Variants in ZFAT observed in about 807,000 individuals in gnomAD.
The protein encoded by ZFAT is zinc finger and AT-hook domain containing, also known as zinc finger protein ZFAT.
In ZFAT, 64 loss-of-function variants were observed where a neutral mutation model predicts 117.7. The observed-to-expected ratio is 0.54, with a 90% CI of 0.44 to 0.67. ZFAT has a LOEUF of 0.67. Among genes scored for constraint, ZFAT ranks in the 30% least tolerant of loss-of-function variants. ZFAT has a pLI of 0.00. For synonymous variants in ZFAT, 679 were observed against 615.0 expected (o/e 1.10, Z -1.54); for missense variants, 1,433 against 1,584.5 (o/e 0.90, Z 1.62).
At chr8:134,479,238 G>A (rs1190010016) in intron 15 of ZFAT, among the ~76,000 whole-genome samples, 1 of 152,228 alleles carries the variant, frequency 6.6e-6, no homozygotes, top group South Asian at 2.1e-4. Flanking sequence ...AGGAGCAGAC[G>A]CCTGGCAGGC....
At chr8:134,755,609 C>G in the ZFAT span, among the ~76,000 whole-genome samples, 5,485 of 151,670 alleles carry the variant, frequency 0.036, 220 homozygotes, top group African/African-American at 0.095. Context: ...GTCAGGAGTT[C>G]AAGACCAGCC....
the ZFAT span, among the ~76,000 whole-genome samples, chr8:134,832,251 GTC>G: frequency 6.6e-6 from 1 of 151,696 alleles, no homozygotes; most frequent in African/African-American, 2.4e-5. Context: ...GCTCCCTCCG[GTC>G]TCTCTGCTCC....
At position 134,610,553 on chromosome 8, in the gene ZFAT, A is replaced by G; in HGVS notation, c.551T>C (p.Ile184Thr). 6.2e-7 allele frequency: 1 copy of G among 1,614,006 alleles called. No individual in the cohort carries two copies. Among genetic ancestry groups the G allele is most frequent in the Non-Finnish European group, 8.5e-7 (1 of 1,179,972 alleles). The change falls in exon 4 of 16, where the codon ATC (isoleucine) becomes ACC (threonine). Residue 184 changes from isoleucine (I) to threonine (T), a missense_variant. Coordinates refer to ENST00000377838, the MANE Select transcript of ZFAT (RefSeq NM_020863.4). The part of the protein sequence containing the change: ...RSQKTEKVQK[I>T]SGKEARQLSG... ...AAGCTGTCTGGCCTCCTTTCCTGAG[A>G]TCTTCTGGACTTTCTCTGTTTTCTG...
intron 12 of ZFAT, among the ~76,000 whole-genome samples, chr8:134,523,258 C>T (rs1027175215): frequency 5.9e-5 from 9 of 152,164 alleles, no homozygotes; most frequent in African/African-American, 1.7e-4. Context: ...TACTCTGTCC[C>T]GTGTCGCCTA....
chr8:134,716,503 C>A (rs189401226), upstream of ZFAT, among the ~76,000 whole-genome samples: 1 of 152,262 alleles, frequency 6.6e-6, no homozygotes, highest in East Asian at 1.9e-4. Context: ...TATTAATCTC[C>A]GGAGTGGTTT....
the ZFAT span, among the ~76,000 whole-genome samples, chr8:134,731,648 G>T: frequency 6.6e-6 from 1 of 152,236 alleles, no homozygotes; most frequent in African/African-American, 2.4e-5. Flanking sequence ...GCTATGGTAT[G>T]TGTACTTTCT....
chr8:134,486,413 C>T (rs1364231266), intron 15 of ZFAT, among the ~76,000 whole-genome samples: 1 of 152,166 alleles, frequency 6.6e-6, no homozygotes, highest in African/African-American at 2.4e-5. Flanking sequence ...ACCAAGAGGT[C>T]ATTTCGCTTC....
At chr8:134,617,302 A>G (rs1335056114) in intron 3 of ZFAT, among the ~76,000 whole-genome samples, 1 of 152,166 alleles carries the variant, frequency 6.6e-6, no homozygotes, top group African/African-American at 2.4e-5. Flanking sequence ...CATTCTCCCA[A>G]TGAACAAAGC....
At chr8:134,817,649 C>A in the ZFAT span, among the ~76,000 whole-genome samples, 1 of 152,034 alleles carries the variant, frequency 6.6e-6, no homozygotes, top group Non-Finnish European at 1.5e-5. Flanking sequence ...AGATTCACTG[C>A]AATTCCAATC....
chr8:134,696,516 G>A lies in ZFAT; in HGVS notation c.19+16329C>T, dbSNP rs550104696. 55 of 981,140 alleles carry A rather than the reference G, an allele frequency of 5.6e-5. No homozygotes were observed. The African/African-American group carries it at 6.3e-4, about 11-fold the overall frequency. 60.8% of individuals were successfully genotyped at this position (981,140 alleles called of 1,614,324 possible). On this transcript the variant is annotated intron_variant, in intron 1 of 15. Transcript: ENST00000377838. ...CGGAGCATGCAGAGGTGAGGCCACC[G>A]CCTCTCCATCTACACCCTTTCTTCT... is the stretch of plus-strand genomic sequence containing the variant.
At chr8:134,570,459 G>A (rs1470193436) in intron 10 of ZFAT, among the ~76,000 whole-genome samples, 3 of 151,976 alleles carry the variant, frequency 2.0e-5, no homozygotes, top group African/African-American at 4.8e-5. Context: ...GAGAATTTTC[G>A]CCTCATGACA....
the ZFAT span, among the ~76,000 whole-genome samples, chr8:134,737,282 A>G: frequency 5.4e-5 from 8 of 147,392 alleles, no homozygotes; most frequent in African/African-American, 2.0e-4. Context: ...CTCCATCTCA[A>G]AAAAAATGAA....
intron 10 of ZFAT, among the ~76,000 whole-genome samples, chr8:134,576,135 CCCT>C (rs1482360368): frequency 6.6e-6 from 1 of 152,186 alleles, no homozygotes; most frequent in Non-Finnish European, 1.5e-5. Flanking sequence ...GCAGCTGAGA[CCCT>C]CTACCTGGTG....
chr8:134,806,338 GC>G, the ZFAT span, among the ~76,000 whole-genome samples: 1 of 152,120 alleles, frequency 6.6e-6, no homozygotes, highest in Non-Finnish European at 1.5e-5. Flanking sequence ...TATAAATAAT[GC>G]TGGAAATAAT....
chr8:134,699,745 G>A (rs1162960408), intron 1 of ZFAT, among the ~76,000 whole-genome samples: 2 of 152,178 alleles, frequency 1.3e-5, no homozygotes, highest in Admixed American at 6.5e-5. Context: ...CTGCAGTTAC[G>A]CTGGCAGAGA....
chr8:134,710,629 A>C (rs1437924622), intron 1 of ZFAT, among the ~76,000 whole-genome samples: 1 of 152,232 alleles, frequency 6.6e-6, no homozygotes, highest in East Asian at 1.9e-4. Context: ...GGATTTTGGA[A>C]TATTTGCATA....
the ZFAT span, among the ~76,000 whole-genome samples, chr8:134,742,105 A>C: frequency 6.6e-6 from 1 of 151,302 alleles, no homozygotes; most frequent in Non-Finnish European, 1.5e-5. Flanking sequence ...CAACCTGATA[A>C]ATTTTTCTCA....
rs142311026 is a variant in ZFAT, at chr8:134,604,433, T to C, written c.786-1500A>G. 7.0e-3 allele frequency among the ~76,000 whole-genome samples: 1,062 copies of C among 152,326 alleles called. 15 individuals carry two copies. The highest frequency in any genetic ancestry group is 0.023 in the African/African-American group (968 of 41,572). ...TGTGGGGTTTCCATTGCTGTTGGAA[T>C]GGCCAAGCCTTGTTTCTGAAACCAG... On this transcript the variant is annotated intron_variant, in intron 5 of 15. Transcript: ENST00000377838.
chr8:134,803,171 C>G, the ZFAT span, among the ~76,000 whole-genome samples: 1 of 152,216 alleles, frequency 6.6e-6, no homozygotes, highest in Non-Finnish European at 1.5e-5. Flanking sequence ...CCTACCCCCT[C>G]ATTTAGCTTA....
Sources: gnomAD v4.1 joint callset for allele counts (sites outside exome capture counted in the v4.1 genomes callset) on GRCh38, gnomAD v4.1.1 for gene constraint, MANE v1.5 for transcripts, NCBI Gene and HGNC (gene_info 2026-07-23, HGNC 2026-07-21) for gene names.